DDX18: variants seen among roughly 807,000 people sequenced by gnomAD.
DDX18 encodes the protein DEAD-box helicase 18.
A neutral mutation model predicts 73.5 loss-of-function variants in DDX18; 23 were observed. The observed-to-expected ratio is 0.31, with a 90% CI of 0.23 to 0.44. The LOEUF is 0.44. Among genes scored for constraint, DDX18 ranks in the 20% least tolerant of loss-of-function variants. The pLI, the probability that DDX18 is intolerant of heterozygous loss-of-function variation, is 1.00. For missense variants in DDX18, 753 were observed against 792.9 expected, an observed-to-expected ratio of 0.95 and a Z score of 0.60; for synonymous variants, 268 against 282.7, an observed-to-expected ratio of 0.95 and a Z score of 0.52.
At position 117,819,765 on chromosome 2, in the gene DDX18, G is replaced by A. The variant is rs764394070; in HGVS notation, c.487G>A (p.Val163Met). ...KPDNDEDESE[V>M]PSLPLGLTGA... is the part of the protein sequence containing the mutation. ...AGATAATGATGAAGATGAGAGTGAG[G>A]TGCCCAGTCTGCCCCTGGGACTGAC... The change falls in exon 3 of 14, where the codon GTG becomes ATG. Residue 163 changes from valine to methionine, a missense_variant. Val to Met is a conservative substitution (Grantham distance 21). Transcript: ENST00000263239. The A allele has an allele frequency of 3.1e-6, 5 of 1,599,338 alleles. No individual in the cohort carries two copies. In the East Asian group the frequency reaches 9.0e-5, roughly 29 times the overall value.
In DDX18 at chr2:117,830,993, T is replaced by A. The variant is rs969793195; in HGVS notation, c.*269T>A. 3.4e-5 allele frequency: 13 copies of A among 383,914 alleles called. No homozygotes were observed. The highest frequency in any genetic ancestry group is 5.6e-5 in the Non-Finnish European group (12 of 215,348). 23.8% of individuals were successfully genotyped at this position (383,914 alleles called of 1,614,324 possible). On this transcript the variant is annotated 3_prime_UTR_variant, in exon 14 of 14. Coordinates refer to ENST00000263239, the MANE Select transcript of DDX18 (RefSeq NM_006773.4). Reference sequence around the variant, plus strand: ...GTGATGATAATATTTTAATTTTAAATATCCCTCCCTCATACAAGTGTATGT... The same window carrying A: ...GTGATGATAATATTTTAATTTTAAAAATCCCTCCCTCATACAAGTGTATGT...
In DDX18 at chr2:117,819,660, G is replaced by C; in HGVS notation, c.382G>C (p.Ala128Pro). The C allele has an allele frequency of 6.3e-7, 1 of 1,581,058 alleles. No homozygotes were observed. The highest frequency in any genetic ancestry group is 8.5e-7 in the Non-Finnish European group (1 of 1,170,196). ...VNDAEPDTKK[A>P]KTENKGKSEE... The stretch of plus-strand genomic sequence containing the variant: ...TTTTAAAACCAAAGATACGAAAAAA[G>C]CAAAAACTGAAAACAAAGGGAAATC... Residue 128 changes from alanine to proline, a missense_variant, in exon 3 of 14, where the codon GCA (alanine) becomes CCA (proline). Around this residue, in one of 3 missense-constraint regions of DDX18, gnomAD observed 345 missense variants for 352.0 expected, o/e 0.98. Coordinates refer to ENST00000263239, the MANE Select transcript of DDX18 (RefSeq NM_006773.4).
In DDX18 at chr2:117,821,897, C is replaced by G; in HGVS notation, c.787C>G (p.Leu263Val). 3 of 1,614,052 alleles carry G rather than the reference C, an allele frequency of 1.9e-6. No homozygotes were observed. The highest frequency in any genetic ancestry group is 1.1e-5 in the South Asian group (1 of 91,082). The change falls in exon 6 of 14, where the codon CTA becomes GTA. Residue 263 changes from leucine (L) to valine (V), a missense_variant. By Grantham distance (32) the Leu-to-Val change is conservative (BLOSUM62 1). Around this residue, in one of 3 missense-constraint regions of DDX18, gnomAD observed 345 missense variants for 352.0 expected, o/e 0.98. Coordinates refer to ENST00000263239, the MANE Select transcript of DDX18 (RefSeq NM_006773.4). The part of the protein sequence containing the change: ...GVLILSPTRE[L>V]AMQTFGVLKE... ...CCTTATTCTCTCACCTACTAGAGAA[C>G]TAGCCATGCAAACCTTTGGTGTTCT... is the stretch of plus-strand genomic sequence containing the variant.
rs1487859807 is a variant in DDX18 at position 117,830,736 on chromosome 2, C to T, written c.*12C>T. 6.8e-6 allele frequency: 11 copies of T among 1,607,324 alleles called. No homozygotes were observed. The highest frequency in any genetic ancestry group is 9.3e-6 in the Non-Finnish European group (11 of 1,178,180). The stretch of plus-strand genomic sequence containing the variant: ...AGTTCTCTCACTGAACACATGCCTT[C>T]CTTTCATCTTGAATAACTTTGTCCT... On this transcript the variant is annotated 3_prime_UTR_variant, in exon 14 of 14. Transcript: ENST00000263239.
Position 117,824,662 on chromosome 2 carries a change from G to T in DDX18, c.1160G>T (p.Gly387Val). The T allele has an allele frequency of 1.3e-6, 2 of 1,493,880 alleles. No individual in the cohort carries two copies. The highest frequency in any genetic ancestry group is 1.8e-6 in the Non-Finnish European group (2 of 1,124,386). The allele number at this position is 1,493,880 out of a possible 1,614,324, so 92.5% of individuals were successfully genotyped here. ...CTGAAAAAGGAGCCATTGTATGTTG[G>T]CGTTGATGATGATAAAGCGAATGCA... ...ISLKKEPLYV[G>V]VDDDKANATV... The change falls in exon 8 of 14, where the codon GGC becomes GTC. Residue 387 changes from glycine to valine, a missense_variant. By Grantham distance (109) the Gly-to-Val change is moderately radical. Around this residue, in one of 3 missense-constraint regions of DDX18, gnomAD observed 402 missense variants for 419.4 expected, o/e 0.96. Transcript: ENST00000263239.
rs1262556909 is a variant in DDX18, at chr2:117,831,823, AGTGT to A, written c.*1102_*1105del. 1 of 152,214 alleles carries A rather than the reference AGTGT, an allele frequency of 6.6e-6. No homozygotes were observed. The highest frequency in any genetic ancestry group is 2.4e-5 in the African/African-American group (1 of 41,448). 9.4% of individuals were successfully genotyped at this position (152,214 alleles called of 1,614,324 possible). ...TTCGTTGTAGGAGCACTTGATTTCT[AGTGT>A]GTTTTGTACAGTATATAACTACAAG... On this transcript the variant is annotated 3_prime_UTR_variant, in exon 14 of 14. Transcript: ENST00000263239.
chr2:117,830,855 A>G lies in DDX18; in HGVS notation c.*131A>G. ...AAGAGTATAAATTGACTTGGGTTGC[A>G]AGCACTGAGCACTGTTACTTCTATC... is the stretch of plus-strand genomic sequence containing the variant. On this transcript the variant is annotated 3_prime_UTR_variant, in exon 14 of 14. Transcript: ENST00000263239. 9.8e-7 allele frequency: 1 copy of G among 1,024,744 alleles called. No individual in the cohort carries two copies. The highest frequency in any genetic ancestry group is 1.5e-5 in the South Asian group (1 of 65,340). 63.5% of individuals were successfully genotyped at this position (1,024,744 alleles called of 1,614,324 possible). A position where few individuals can be genotyped will look rare whatever the true frequency, so the allele number is the denominator to read the frequency against.
rs569132250 is a variant in DDX18 at position 117,818,672 on chromosome 2, T to TTTTGTTTG, written c.371-957_371-950dup. 1.1e-4 allele frequency among the ~76,000 whole-genome samples: 17 copies of TTTTGTTTG among 152,072 alleles called. No individual in the cohort carries two copies. In the South Asian group the frequency reaches 2.3e-3, roughly 20 times the overall value. ...GCTGGGCGTTTTAACCTTATGGGTT[T>TTTTGTTTG]TTTGTTTGTTTGTTTGTTTGTTTGT... is the stretch of plus-strand genomic sequence containing the variant. On this transcript the variant is annotated intron_variant, in intron 2 of 13. Coordinates refer to ENST00000263239, the MANE Select transcript of DDX18 (RefSeq NM_006773.4).
In DDX18 at chr2:117,829,271, T is replaced by C. The variant is rs1431795597; in HGVS notation, c.1693-18T>C. ...GTTTGTTTTTGTTTATTAAAACCAG[T>C]GTTTCTTTCTATTTCAGCTTGAGAA... is the stretch of plus-strand genomic sequence containing the variant. On this transcript the variant is annotated intron_variant, in intron 12 of 13. Transcript: ENST00000263239. 7.6e-6 allele frequency: 12 copies of C among 1,571,520 alleles called. No homozygotes were observed. The highest frequency in any genetic ancestry group is 1.0e-5 in the Non-Finnish European group (12 of 1,163,010).
At chr2:117,824,440 T>C in intron 7 of DDX18, 129 bp from the exon 8 acceptor site, 1 of 888,216 alleles carries the variant, frequency 1.1e-6, no homozygotes, top group Non-Finnish European at 1.5e-6. Context: ...CCTTTTGTAA[T>C]ATTTGTAGAT....
In DDX18 at chr2:117,821,635, C is replaced by T. The variant is rs1194652981; in HGVS notation, c.651-15C>T. 4 of 1,613,496 alleles carry T rather than the reference C, an allele frequency of 2.5e-6. No individual in the cohort carries two copies. In the African/African-American group the frequency reaches 5.3e-5, roughly 22 times the overall value. On this transcript the variant is annotated splice_polypyrimidine_tract_variant and intron_variant, in intron 4 of 13. Coordinates refer to ENST00000263239, the MANE Select transcript of DDX18 (RefSeq NM_006773.4). ...TAGGCTAAATGTCTTTCTCCTTTCCCTTTTTAATATTTAGGGATCTTCTAG... is the reference window on the plus strand; with the variant it reads ...TAGGCTAAATGTCTTTCTCCTTTCCTTTTTTAATATTTAGGGATCTTCTAG...
intron 10 of DDX18, 34 bp from the exon 11 acceptor site, chr2:117,826,235 C>G: frequency 2.5e-6 from 4 of 1,589,160 alleles, no homozygotes; most frequent in Non-Finnish European, 3.4e-6. Context: ...GTGGAAGTCA[C>G]TGCGTTAACT....
At chr2:117,820,974 C>T (rs188119929) in intron 3 of DDX18, among the ~76,000 whole-genome samples, 187 bp from the exon 4 acceptor site, 2 of 152,228 alleles carry the variant, frequency 1.3e-5, no homozygotes, top group Non-Finnish European at 2.9e-5. Flanking sequence ...ACTCACACAG[C>T]CGTTAACAGT....
chr2:117,830,443 G>A lies in DDX18; in HGVS notation c.1871-139G>A, dbSNP rs1174892783. 2.8e-6 allele frequency: 3 copies of A among 1,060,838 alleles called. No homozygotes were observed. In the African/African-American group the frequency reaches 4.9e-5, roughly 17 times the overall value. 65.7% of individuals were successfully genotyped at this position (1,060,838 alleles called of 1,614,324 possible). ...AATTTTCTGGAAATTTATTGCATAGGCTTATGTTCCCACATTTTCATTGTT... is the reference window on the plus strand; with the variant it reads ...AATTTTCTGGAAATTTATTGCATAGACTTATGTTCCCACATTTTCATTGTT... On this transcript the variant is annotated intron_variant, in intron 13 of 13. Coordinates refer to ENST00000263239, the MANE Select transcript of DDX18 (RefSeq NM_006773.4).
chr2:117,815,093 G>A (rs1198124962), intron 1 of DDX18: 2 of 565,338 alleles, frequency 3.5e-6, no homozygotes, highest in Non-Finnish European at 3.2e-6. Context: ...TTCTTACAAC[G>A]TTAGAGCGGG....
At chr2:117,828,048 G>A (rs58187779) in intron 11 of DDX18, 1 of 152,134 alleles carries the variant, frequency 6.6e-6, no homozygotes, top group African/African-American at 2.4e-5. Flanking sequence ...ATCTCACTGT[G>A]ATTTTTATTT....
At position 117,826,177 on chromosome 2, in the gene DDX18, A is replaced by T. The variant is rs146943539; in HGVS notation, c.1522-92A>T. On this transcript the variant is annotated intron_variant, in intron 10 of 13. Coordinates refer to ENST00000263239, the MANE Select transcript of DDX18 (RefSeq NM_006773.4). ...CAGCACCGTGGGACTACACCATCTCAGTACAGACATGCACATACTCAGGAT... is the reference window on the plus strand; with the variant it reads ...CAGCACCGTGGGACTACACCATCTCTGTACAGACATGCACATACTCAGGAT... 277 of 1,034,520 alleles carry T rather than the reference A, an allele frequency of 2.7e-4. 1 individual carries two copies. The African/African-American group carries it at 4.1e-3, about 15-fold the overall frequency. 64.1% of individuals were successfully genotyped at this position (1,034,520 alleles called of 1,614,324 possible). A position where few individuals can be genotyped will look rare whatever the true frequency, so the allele number is the denominator to read the frequency against.
At chr2:117,823,396 A>T (rs1244922190) in intron 7 of DDX18, among the ~76,000 whole-genome samples, 2 of 152,132 alleles carry the variant, frequency 1.3e-5, no homozygotes, top group Non-Finnish European at 2.9e-5. Flanking sequence ...TTTATCTCTG[A>T]GTGTTTCATT....
At chr2:117,823,707 C>T (rs1679881835) in intron 7 of DDX18, among the ~76,000 whole-genome samples, 1 of 152,102 alleles carries the variant, frequency 6.6e-6, no homozygotes, top group Admixed American at 6.6e-5. Flanking sequence ...GTGGTGAGAG[C>T]AGACATCCTT....
Sources: gnomAD v4.1 joint callset for allele counts (sites outside exome capture counted in the v4.1 genomes callset) on GRCh38, gnomAD v4.1.1 for gene constraint, gnomAD v4.1.1 regional missense constraint, MANE v1.5 for transcripts, NCBI Gene and HGNC (gene_info 2026-07-23, HGNC 2026-07-21) for gene names.